The following TMEM132D variants were observed in gnomAD, a reference collection of about 807,000 sequenced individuals.
The protein encoded by TMEM132D is mature OL transmembrane protein.
In TMEM132D, 21 loss-of-function variants were observed where a neutral mutation model predicts 62.3. The observed-to-expected ratio is 0.34, with a 90% confidence interval of 0.24 to 0.49. The LOEUF (loss-of-function observed/expected upper bound fraction) is 0.49. Among genes scored for constraint, TMEM132D ranks in the 20% least tolerant of loss-of-function variants. The pLI is 0.99. For missense variants in TMEM132D, 1,346 were observed against 1,402.8 expected, an observed-to-expected ratio of 0.96 and a Z score of 0.65; for synonymous variants, 621 against 575.6, an observed-to-expected ratio of 1.08 and a Z score of -1.13.
chr12:129,525,241 T>G lies in TMEM132D; in HGVS notation c.1115+5818A>C, dbSNP rs1259439930. 4.5e-4 allele frequency among the ~76,000 whole-genome samples: 63 copies of G among 141,302 alleles called. 1 individual carries two copies. The highest frequency in any genetic ancestry group is 1.6e-3 in the African/African-American group (59 of 37,892). 92.7% of individuals were successfully genotyped at this position (141,302 alleles called of 152,430 possible). ...TGCCCAGCCGGTTTTTTTTTTTTTTTTTTTTTTTTTTTTTGCTAATATAAT... is the reference window on the plus strand; with the variant it reads ...TGCCCAGCCGGTTTTTTTTTTTTTTGTTTTTTTTTTTTTTGCTAATATAAT... On this transcript the variant is annotated intron_variant, in intron 3 of 8. Coordinates refer to ENST00000422113, the MANE Select transcript of TMEM132D (RefSeq NM_133448.3).
intron 3 of TMEM132D, among the ~76,000 whole-genome samples, chr12:129,458,359 T>G (rs904539223): frequency 6.6e-6 from 1 of 151,932 alleles, no homozygotes; most frequent in African/African-American, 2.4e-5. Context: ...GTGTTGGCCT[T>G]TCACAAGCTA....
At chr12:129,634,164 C>T (rs1280242379) in intron 2 of TMEM132D, among the ~76,000 whole-genome samples, 1 of 152,116 alleles carries the variant, frequency 6.6e-6, no homozygotes, top group Non-Finnish European at 1.5e-5. Context: ...CCCCGGCACA[C>T]ACACTGGGTA....
At chr12:129,276,785 A>G (rs542393369) in intron 4 of TMEM132D, among the ~76,000 whole-genome samples, 8 of 152,382 alleles carry the variant, frequency 5.2e-5, no homozygotes, top group African/African-American at 1.7e-4. Flanking sequence ...GTATAATGAC[A>G]TGCAATTTGT....
At chr12:129,793,338 C>A (rs1320076460) in intron 1 of TMEM132D, among the ~76,000 whole-genome samples, 1 of 152,022 alleles carries the variant, frequency 6.6e-6, no homozygotes, top group East Asian at 1.9e-4. Flanking sequence ...GAGATAAATT[C>A]TCCAGCTGGA....
At chr12:129,736,293 T>A (rs561692599) in intron 1 of TMEM132D, among the ~76,000 whole-genome samples, 1 of 152,260 alleles carries the variant, frequency 6.6e-6, no homozygotes, top group Non-Finnish European at 1.5e-5. Context: ...TCTCTTGATG[T>A]TGGTTTCACA....
At chr12:129,451,635 A>G (rs1405048147) in intron 3 of TMEM132D, among the ~76,000 whole-genome samples, 1 of 152,248 alleles carries the variant, frequency 6.6e-6, no homozygotes, top group Non-Finnish European at 1.5e-5. Flanking sequence ...AAAGATGTCA[A>G]GAACTAAAAA....
At chr12:129,817,547 T>C (rs2137321332) in intron 1 of TMEM132D, among the ~76,000 whole-genome samples, 1 of 152,134 alleles carries the variant, frequency 6.6e-6, no homozygotes. Context: ...AGCCACATTT[T>C]AGCAAGCTGG....
At chr12:129,172,944 T>C (rs1029216000) in intron 5 of TMEM132D, among the ~76,000 whole-genome samples, 15 of 152,154 alleles carry the variant, frequency 9.9e-5, no homozygotes, top group Admixed American at 7.2e-4. Context: ...GATGGGGGAA[T>C]GGTGGGTTGG....
intron 5 of TMEM132D, among the ~76,000 whole-genome samples, chr12:129,176,464 G>A (rs1035267368): frequency 6.6e-6 from 1 of 152,186 alleles, no homozygotes; most frequent in African/African-American, 2.4e-5. Context: ...TCTAGCTCCT[G>A]GAACTTCAGG....
chr12:129,121,503 T>C (rs1366364570), intron 5 of TMEM132D, among the ~76,000 whole-genome samples: 1 of 152,108 alleles, frequency 6.6e-6, no homozygotes, highest in Non-Finnish European at 1.5e-5. Context: ...GGAAAGAAGA[T>C]ACGAAGATGG....
At chr12:129,239,757 G>A (rs1175185739) in intron 4 of TMEM132D, among the ~76,000 whole-genome samples, 1 of 152,200 alleles carries the variant, frequency 6.6e-6, no homozygotes, top group Non-Finnish European at 1.5e-5. Context: ...TTCCCCTAGA[G>A]TCTTAGGAGA....
intron 4 of TMEM132D, among the ~76,000 whole-genome samples, chr12:129,314,233 A>G (rs1868406901): frequency 6.6e-6 from 1 of 152,180 alleles, no homozygotes; most frequent in South Asian, 2.1e-4. Context: ...ATCTTCTAGA[A>G]CTTCTGTAGT....
intron 5 of TMEM132D, among the ~76,000 whole-genome samples, chr12:129,205,179 T>C (rs1239582594): frequency 2.0e-5 from 3 of 152,148 alleles, no homozygotes; most frequent in African/African-American, 7.2e-5. Context: ...TAACTTTAAA[T>C]GTAAATGGGC....
At chr12:129,276,521 T>G (rs187294695) in intron 4 of TMEM132D, among the ~76,000 whole-genome samples, 1 of 152,168 alleles carries the variant, frequency 6.6e-6, no homozygotes. Context: ...TCCACTGACC[T>G]AAATCCTAGC....
chr12:129,766,624 G>A (rs937409075), intron 1 of TMEM132D, among the ~76,000 whole-genome samples: 1 of 152,078 alleles, frequency 6.6e-6, no homozygotes, highest in Non-Finnish European at 1.5e-5. Context: ...ATCAACACAG[G>A]GAGATAATGC....
At chr12:129,131,798 A>G (rs1459335411) in intron 5 of TMEM132D, among the ~76,000 whole-genome samples, 2 of 152,164 alleles carry the variant, frequency 1.3e-5, no homozygotes, top group African/African-American at 2.4e-5. Context: ...AACCTGTTAG[A>G]CCCCAGTAAT....
At chr12:129,719,448 C>A (rs777107901) in intron 1 of TMEM132D, among the ~76,000 whole-genome samples, 3 of 152,142 alleles carry the variant, frequency 2.0e-5, no homozygotes, top group Non-Finnish European at 4.4e-5. Flanking sequence ...TTGTACAGCA[C>A]AATAAGAAAA....
intron 5 of TMEM132D, among the ~76,000 whole-genome samples, chr12:129,088,100 C>T (rs1390702641): frequency 1.6e-5 from 1 of 60,720 alleles, no homozygotes; most frequent in South Asian, 6.5e-4. Context: ...CCTCCCTGAC[C>T]GGGGTGTCCT....
intron 5 of TMEM132D, among the ~76,000 whole-genome samples, chr12:129,087,963 G>GT (rs1874694154): frequency 9.1e-6 from 1 of 109,994 alleles, no homozygotes; most frequent in Non-Finnish European, 2.0e-5. Flanking sequence ...CCCTGACCGG[G>GT]GTGTCCTCCA....
Sources: gnomAD v4.1 joint callset for allele counts (sites outside exome capture counted in the v4.1 genomes callset) on GRCh38, gnomAD v4.1.1 for gene constraint, MANE v1.5 for transcripts, NCBI Gene and HGNC (gene_info 2026-07-23, HGNC 2026-07-21) for gene names.